Variants in PDE11A observed in about 807,000 individuals in gnomAD.
PDE11A encodes dual 3',5'-cyclic-AMP and -GMP phosphodiesterase 11A.
A neutral mutation model predicts 100.5 loss-of-function variants in PDE11A; 100 were observed. The observed-to-expected ratio is 1.00, with a 90% confidence interval of 0.85 to 1.18. The LOEUF (loss-of-function observed/expected upper bound fraction) is 1.18, where lower values mean the gene tolerates loss of function less well. PDE11A is among the 50% of genes most tolerant of loss of function. The pLI is 0.00. For synonymous variants in PDE11A, 381 were observed against 420.8 expected (o/e 0.91, Z 1.16); for missense variants, 1,141 against 1,152.6 (o/e 0.99, Z 0.15).
rs78394420 is a variant in PDE11A, at chr2:177,624,894, G to T, written c.*4513C>A. Reference sequence around the variant, plus strand: ...AGACCAGTGTGGTCAGCATAGTGAGGCCTCGTCTTTACAAACAATACAAAA... The same window carrying T: ...AGACCAGTGTGGTCAGCATAGTGAGTCCTCGTCTTTACAAACAATACAAAA... On this transcript the variant is annotated 3_prime_UTR_variant, in exon 20 of 20. Transcript: ENST00000286063. 3,572 of 152,270 alleles carry T rather than the reference G, an allele frequency of 0.023. 66 individuals carry two copies. The highest frequency in any genetic ancestry group is 0.051 in the Middle Eastern group (15 of 294). 9.4% of individuals were successfully genotyped at this position (152,270 alleles called of 1,614,324 possible).
chr2:177,795,935 CTATATATATATATATATA>C (rs55861102), intron 9 of PDE11A, among the ~76,000 whole-genome samples: 1,237 of 67,264 alleles, frequency 0.018, 63 homozygotes, highest in African/African-American at 0.044. Flanking sequence ...TTTGTTTAAA[CTATATATATATATATATA>C]TATATATATA....
chr2:177,700,284 A>G (rs1574057813), intron 14 of PDE11A, among the ~76,000 whole-genome samples: 2 of 152,222 alleles, frequency 1.3e-5, no homozygotes, highest in African/African-American at 4.8e-5. Flanking sequence ...AAAAACCTCC[A>G]TATTTAATGA....
chr2:177,713,987 C>CTTTTTTTTTTTTT lies in PDE11A; in HGVS notation c.2044-2122_2044-2110dup, dbSNP rs57211363. ...TCCCACCATATTTCTTTTCTTTTTT[C>CTTTTTTTTTTTTT]TTTTTTTTTTTTTTTTTTTTTTTTG... On this transcript the variant is annotated intron_variant, in intron 12 of 19. Transcript: ENST00000286063. Among the ~76,000 whole-genome samples the CTTTTTTTTTTTTT allele has an allele frequency of 3.9e-3, 305 of 77,404 alleles. 8 individuals are homozygous for CTTTTTTTTTTTTT. Among genetic ancestry groups the CTTTTTTTTTTTTT allele is most frequent in the Middle Eastern group, 0.036 (2 of 56 alleles). 50.8% of individuals were successfully genotyped at this position (77,404 alleles called of 152,430 possible).
intron 2 of PDE11A, among the ~76,000 whole-genome samples, chr2:177,944,429 G>T (rs1178213086): frequency 6.6e-6 from 1 of 152,142 alleles, no homozygotes; most frequent in Non-Finnish European, 1.5e-5. Flanking sequence ...AACAGATAGG[G>T]TGCCCTCTAA....
chr2:178,006,000 A>G (rs1381791592), intron 2 of PDE11A, among the ~76,000 whole-genome samples: 1 of 152,228 alleles, frequency 6.6e-6, no homozygotes, highest in African/African-American at 2.4e-5. Flanking sequence ...TTAGCCATCA[A>G]GAAGACACTG....
intron 10 of PDE11A, among the ~76,000 whole-genome samples, chr2:177,735,961 C>T (rs1470812957): frequency 6.6e-6 from 1 of 152,154 alleles, no homozygotes; most frequent in Non-Finnish European, 1.5e-5. Flanking sequence ...ATGTTTGGGC[C>T]GTTTTCGTAT....
intron 1 of PDE11A, among the ~76,000 whole-genome samples, chr2:178,016,726 G>A (rs144116073): frequency 9.1e-4 from 138 of 152,220 alleles, no homozygotes; most frequent in African/African-American, 3.1e-3. Context: ...AAAGAGTGGT[G>A]GAAAGAACTT....
intron 13 of PDE11A, among the ~76,000 whole-genome samples, chr2:177,709,118 G>T (rs150563935): frequency 1.3e-5 from 2 of 152,186 alleles, no homozygotes; most frequent in Non-Finnish European, 2.9e-5. Flanking sequence ...GAGCTGCGGC[G>T]AGTGGGCACT....
At chr2:177,894,871 C>T (rs1406152397) in intron 4 of PDE11A, among the ~76,000 whole-genome samples, 1 of 152,138 alleles carries the variant, frequency 6.6e-6, no homozygotes, top group South Asian at 2.1e-4. Context: ...ACCTGTAAGT[C>T]CCTGCTTCAA....
At chr2:177,821,717 T>C (rs2083144344) in intron 6 of PDE11A, among the ~76,000 whole-genome samples, 2 of 151,910 alleles carry the variant, frequency 1.3e-5, no homozygotes, top group Non-Finnish European at 2.9e-5. Flanking sequence ...TTATCTCTGA[T>C]GACTAGGGTG....
chr2:177,796,176 A>G (rs1306837857), intron 9 of PDE11A, among the ~76,000 whole-genome samples: 1 of 151,898 alleles, frequency 6.6e-6, no homozygotes, highest in Non-Finnish European at 1.5e-5. Context: ...GAGCCTGGTT[A>G]GTGTCTTTGT....
intron 19 of PDE11A, among the ~76,000 whole-genome samples, chr2:177,662,796 G>C (rs1042358223): frequency 5.3e-5 from 8 of 151,222 alleles, no homozygotes; most frequent in South Asian, 2.1e-4. Flanking sequence ...TTTTGTTATA[G>C]TTATCAAAAA....
chr2:177,782,058 T>C (rs1292632290), intron 9 of PDE11A, among the ~76,000 whole-genome samples: 2 of 152,214 alleles, frequency 1.3e-5, no homozygotes, highest in South Asian at 4.1e-4. Context: ...TTAAGATGCA[T>C]TCATAAGGCT....
intron 15 of PDE11A, among the ~76,000 whole-genome samples, chr2:177,684,700 G>T (rs1165167450): frequency 6.6e-6 from 1 of 152,196 alleles, no homozygotes; most frequent in Non-Finnish European, 1.5e-5. Context: ...TTGATGGGAG[G>T]ATCAAAGGAA....
chr2:177,651,983 T>A (rs1166521774), intron 19 of PDE11A, among the ~76,000 whole-genome samples: 2 of 152,214 alleles, frequency 1.3e-5, no homozygotes. Flanking sequence ...TTTCAGGGCA[T>A]CCTGAAAGCA....
In PDE11A at chr2:177,629,360, G is replaced by A; in HGVS notation, c.*47C>T. ...AGGATGACATTGCTGGACTGAAAAT[G>A]GCCCTTCAGGCTGTAGTCATTTTGC... On this transcript the variant is annotated 3_prime_UTR_variant, in exon 20 of 20. Transcript: ENST00000286063. The A allele has an allele frequency of 6.5e-7, 1 of 1,530,626 alleles. No individual in the cohort carries two copies. The allele number at this position is 1,530,626 out of a possible 1,614,324, so 94.8% of individuals were successfully genotyped here.
rs57211363 is a variant in PDE11A, at chr2:177,713,987, C to CTTTTTTTTTTTTTTTTTTTTTTTT, written c.2044-2133_2044-2110dup. Reference sequence around the variant, plus strand: ...TCCCACCATATTTCTTTTCTTTTTTCTTTTTTTTTTTTTTTTTTTTTTTTG... The same window carrying CTTTTTTTTTTTTTTTTTTTTTTTT: ...TCCCACCATATTTCTTTTCTTTTTTCTTTTTTTTTTTTTTTTTTTTTTTTTTTTTTTTTTTTTTTTTTTTTTTTG... On this transcript the variant is annotated intron_variant, in intron 12 of 19. Transcript: ENST00000286063. Among the ~76,000 whole-genome samples, 17 of 77,404 alleles carry CTTTTTTTTTTTTTTTTTTTTTTTT rather than the reference C, an allele frequency of 2.2e-4. 1 individual carries two copies. The highest frequency in any genetic ancestry group is 3.7e-4 in the African/African-American group (7 of 18,838). 50.8% of individuals were successfully genotyped at this position (77,404 alleles called of 152,430 possible). A position where few individuals can be genotyped will look rare whatever the true frequency, so the allele number is the denominator to read the frequency against.
At chr2:177,898,289 A>G (rs2084643248) in intron 3 of PDE11A, 91 bp from the exon 4 acceptor site, 1 of 812,968 alleles carries the variant, frequency 1.2e-6, no homozygotes, top group South Asian at 1.6e-5. Flanking sequence ...CTTCAATAAA[A>G]TATAGTAAAT....
At chr2:177,714,993 G>T (rs1428659594) in intron 12 of PDE11A, among the ~76,000 whole-genome samples, 1 of 152,088 alleles carries the variant, frequency 6.6e-6, no homozygotes, top group Non-Finnish European at 1.5e-5. Context: ...CCTGTGTCTG[G>T]TTCCCCACCT....
Sources: allele counts gnomAD v4.1 joint callset (sites outside exome capture counted in the v4.1 genomes callset), GRCh38; gene constraint gnomAD v4.1.1; transcripts MANE v1.5; gene names NCBI Gene and HGNC (gene_info 2026-07-23, HGNC 2026-07-21).